Variants in GRM5 observed in about 807,000 individuals in gnomAD.
GRM5 encodes the protein glutamate metabotropic receptor 5.
A neutral mutation model predicts 83.1 loss-of-function variants in GRM5; 19 were observed. That is an observed-to-expected ratio of 0.23 (90% CI 0.16 to 0.34). The LOEUF (loss-of-function observed/expected upper bound fraction) is 0.34. GRM5 is among the 10% of genes least tolerant of loss of function. The pLI, the probability that GRM5 is intolerant of heterozygous loss-of-function variation, is 1.00. For synonymous variants in GRM5, 675 were observed against 633.6 expected (o/e 1.07, Z -0.98); for missense variants, 1,160 against 1,588.3 (o/e 0.73, Z 4.58).
chr11:88,978,828 C>T (rs1480588808), intron 2 of GRM5, among the ~76,000 whole-genome samples: 1 of 152,096 alleles, frequency 6.6e-6, no homozygotes, highest in Non-Finnish European at 1.5e-5. Flanking sequence ...AATGAGGTAA[C>T]TGATGCTCAG....
intron 3 of GRM5, among the ~76,000 whole-genome samples, chr11:88,796,501 T>A (rs11021346): frequency 0.017 from 2,550 of 152,236 alleles, 43 homozygotes; most frequent in East Asian, 0.068. Context: ...TTATTGAAGA[T>A]TAGATCAGAA....
intron 2 of GRM5, among the ~76,000 whole-genome samples, chr11:89,036,886 A>T (rs1416417792): frequency 1.3e-5 from 2 of 152,154 alleles, no homozygotes; most frequent in Non-Finnish European, 2.9e-5. Flanking sequence ...GCACACTCTC[A>T]TATATTATCA....
intron 8 of GRM5, among the ~76,000 whole-genome samples, chr11:88,549,574 T>C (rs937349586): frequency 5.9e-5 from 9 of 151,990 alleles, no homozygotes; most frequent in African/African-American, 2.2e-4. Context: ...CACCGTGTTA[T>C]AGTATGTGTT....
At chr11:88,939,633 A>T (rs1407834584) in intron 2 of GRM5, among the ~76,000 whole-genome samples, 1 of 150,962 alleles carries the variant, frequency 6.6e-6, no homozygotes, top group Non-Finnish European at 1.5e-5. Flanking sequence ...AAGCGAACAC[A>T]ACACTAGATT....
intron 2 of GRM5, among the ~76,000 whole-genome samples, chr11:88,916,660 T>C (rs1349109595): frequency 2.0e-5 from 3 of 151,716 alleles, no homozygotes; most frequent in African/African-American, 7.3e-5. Flanking sequence ...GGGGTGCATG[T>C]AACTCAGTAA....
rs554440425 is a variant in GRM5, at chr11:88,789,738, T to C, written c.911+60168A>G. Among the ~76,000 whole-genome samples, 3 of 152,336 alleles carry C rather than the reference T, an allele frequency of 2.0e-5. No homozygotes were observed. In the South Asian group the frequency reaches 6.2e-4, roughly 32 times the overall value. On this transcript the variant is annotated intron_variant, in intron 3 of 9. Coordinates refer to ENST00000305447, the MANE Select transcript of GRM5 (RefSeq NM_001143831.3). ...TGAATATGAAGTTAACCAGTCCAAA[T>C]GACCTTTCCTTCCACTTATTCTTAC...
chr11:88,953,014 T>G (rs1938509134), intron 2 of GRM5, among the ~76,000 whole-genome samples: 1 of 152,180 alleles, frequency 6.6e-6, no homozygotes, highest in Non-Finnish European at 1.5e-5. Context: ...TAAACTATCT[T>G]TAATGCAATG....
chr11:88,553,896 C>A (rs575613516), intron 8 of GRM5, among the ~76,000 whole-genome samples: 1 of 152,192 alleles, frequency 6.6e-6, no homozygotes, highest in African/African-American at 2.4e-5. Flanking sequence ...AGACCAAAAT[C>A]TCCTCTCCTT....
chr11:88,539,992 T>A (rs1439445476), intron 8 of GRM5, among the ~76,000 whole-genome samples: 1 of 152,174 alleles, frequency 6.6e-6, no homozygotes, highest in Non-Finnish European at 1.5e-5. Context: ...CCTGGGCACG[T>A]CTGTTCTTTT....
intron 2 of GRM5, among the ~76,000 whole-genome samples, chr11:88,880,329 A>G (rs1944931864): frequency 6.6e-6 from 1 of 152,206 alleles, no homozygotes. Flanking sequence ...TATGCATTGA[A>G]GAGATTATGG....
At chr11:88,808,429 A>C (rs1943534420) in intron 3 of GRM5, among the ~76,000 whole-genome samples, 1 of 152,042 alleles carries the variant, frequency 6.6e-6, no homozygotes, top group Non-Finnish European at 1.5e-5. Context: ...ATATTAAACA[A>C]TGTGTTTGCA....
chr11:88,806,480 AG>A (rs1337160162), intron 3 of GRM5, among the ~76,000 whole-genome samples: 1 of 152,204 alleles, frequency 6.6e-6, no homozygotes, highest in Non-Finnish European at 1.5e-5. Flanking sequence ...TTAACAAATG[AG>A]TTCGAATTCC....
At chr11:88,914,048 T>A (rs1160659144) in intron 2 of GRM5, among the ~76,000 whole-genome samples, 2 of 152,176 alleles carry the variant, frequency 1.3e-5, no homozygotes, top group Non-Finnish European at 2.9e-5. Flanking sequence ...TGGGGTAAAT[T>A]CTGTACCTTG....
Position 89,064,194 on chromosome 11 carries a change from G to A in GRM5, c.-201+1582C>T, listed in dbSNP as rs529793612. ...ACTACCTAATCTTTAAACTGGATTG[G>A]CACTTATTTTCCTTGCCACCAAACC... On this transcript the variant is annotated intron_variant, in intron 1 of 9. Transcript: ENST00000305447. 4.6e-5 allele frequency among the ~76,000 whole-genome samples: 7 copies of A among 152,152 alleles called. No homozygotes were observed. The East Asian group carries it at 1.4e-3, about 29-fold the overall frequency.
chr11:88,512,252 T>C (rs1941394346), intron 9 of GRM5: 1 of 144,070 alleles, frequency 6.9e-6, no homozygotes, highest in Admixed American at 7.0e-5. Context: ...TTGGTTACAG[T>C]GCCCATGGCC....
chr11:88,641,489 C>T (rs1266742250), intron 4 of GRM5, among the ~76,000 whole-genome samples: 1 of 152,110 alleles, frequency 6.6e-6, no homozygotes, highest in Admixed American at 6.6e-5. Context: ...CCTGCATCAA[C>T]CCAATCAGCA....
intron 3 of GRM5, among the ~76,000 whole-genome samples, chr11:88,781,983 G>A (rs1942984311): frequency 6.6e-6 from 1 of 152,038 alleles, no homozygotes; most frequent in South Asian, 2.1e-4. Context: ...CTTCTTGGGT[G>A]TAAATTTTGC....
intron 3 of GRM5, among the ~76,000 whole-genome samples, chr11:88,826,272 A>G (rs1943893264): frequency 6.6e-6 from 1 of 152,106 alleles, no homozygotes; most frequent in South Asian, 2.1e-4. Flanking sequence ...TACCAAAATA[A>G]AAAAGATGGT....
intron 3 of GRM5, among the ~76,000 whole-genome samples, chr11:88,653,873 A>G (rs1351011033): frequency 6.6e-6 from 1 of 152,082 alleles, no homozygotes; most frequent in Non-Finnish European, 1.5e-5. Flanking sequence ...TCATCCTGTG[A>G]CACAACATTT....
Sources: gnomAD v4.1 joint callset for allele counts (sites outside exome capture counted in the v4.1 genomes callset) on GRCh38, gnomAD v4.1.1 for gene constraint, MANE v1.5 for transcripts, NCBI Gene and HGNC (gene_info 2026-07-23, HGNC 2026-07-21) for gene names.